FMN1: variants seen among roughly 807,000 people sequenced by gnomAD.
FMN1 encodes formin 1.
In FMN1, 110 loss-of-function variants were observed where a neutral mutation model predicts 132.4. The observed-to-expected ratio is 0.83, with a 90% confidence interval of 0.71 to 0.97. The LOEUF is 0.97. Among genes scored for constraint, FMN1 ranks in the 50% least tolerant of loss-of-function variants. The probability of loss-of-function intolerance (pLI) is 0.00; values close to 1 mark genes in which losing one functional copy is unlikely to be tolerated. For synonymous variants in FMN1, 722 were observed against 651.7 expected (o/e 1.11, Z -1.64); for missense variants, 1,792 against 1,705.3 (o/e 1.05, Z -0.90).
intron 4 of FMN1, among the ~76,000 whole-genome samples, chr15:33,142,872 TAC>T (rs1325275283): frequency 6.6e-6 from 1 of 151,982 alleles, no homozygotes; most frequent in Non-Finnish European, 1.5e-5. Flanking sequence ...CTATAAAATG[TAC>T]CTTGGTTCAG....
chr15:32,788,183 T>C (rs939000320), intron 19 of FMN1, among the ~76,000 whole-genome samples: 1 of 152,222 alleles, frequency 6.6e-6, no homozygotes, highest in Non-Finnish European at 1.5e-5. Context: ...CTGGAATGCA[T>C]GATCAGTTAA....
At chr15:32,860,477 A>C (rs2141311415) in intron 16 of FMN1, among the ~76,000 whole-genome samples, 1 of 152,194 alleles carries the variant, frequency 6.6e-6, no homozygotes, top group South Asian at 2.1e-4. Context: ...AAGTGGTGAA[A>C]CCCTGTTTCT....
intron 9 of FMN1, among the ~76,000 whole-genome samples, chr15:32,949,902 G>A (rs1318741143): frequency 7.5e-6 from 1 of 133,808 alleles, no homozygotes; most frequent in Non-Finnish European, 1.6e-5. Context: ...GACATGAACA[G>A]ACACTTTTCA....
chr15:33,172,333 C>A (rs8037033), intron 3 of FMN1, among the ~76,000 whole-genome samples: 80,670 of 152,140 alleles, frequency 0.53, 24,208 homozygotes, highest in African/African-American at 0.83. Flanking sequence ...ACTTTTGTTT[C>A]AATGATCAAC....
chr15:32,936,495 C>T (rs1040661461), intron 9 of FMN1, among the ~76,000 whole-genome samples: 1 of 152,302 alleles, frequency 6.6e-6, no homozygotes. Context: ...TCCCTGCTCT[C>T]TCTAGTGTCT....
At chr15:32,800,945 C>T (rs1212384894) in intron 18 of FMN1, among the ~76,000 whole-genome samples, 1 of 152,166 alleles carries the variant, frequency 6.6e-6, no homozygotes, top group Non-Finnish European at 1.5e-5. Context: ...TATACAGATA[C>T]ATATTTATTT....
intron 4 of FMN1, among the ~76,000 whole-genome samples, chr15:33,115,729 T>C (rs1253933878): frequency 6.6e-6 from 1 of 152,156 alleles, no homozygotes; most frequent in Non-Finnish European, 1.5e-5. Flanking sequence ...CTCATATCCC[T>C]AAACCTATGC....
rs78428401 is a variant in FMN1, at chr15:32,898,986, A to G, written c.3655-93T>C. On this transcript the variant is annotated intron_variant, in intron 14 of 20. Transcript: ENST00000616417. ...GTGAAATCTCAGTTGAGAAATTTCT[A>G]ATTCGTGAAAACTGGCTTTCTCTTC... The G allele has an allele frequency of 0.042, 36,500 of 860,732 alleles. 912 individuals carry two copies. The highest frequency in any genetic ancestry group is 0.066 in the South Asian group (4,271 of 64,306). The allele number at this position is 860,732 out of a possible 1,614,324, so 53.3% of individuals were successfully genotyped here.
chr15:32,963,270 A>G (rs1044332821), intron 9 of FMN1, among the ~76,000 whole-genome samples: 12 of 147,306 alleles, frequency 8.1e-5, no homozygotes, highest in African/African-American at 3.0e-4. Flanking sequence ...GCATATTCTC[A>G]CTCATAGGTG....
intron 2 of FMN1, among the ~76,000 whole-genome samples, chr15:33,187,712 C>T (rs1190456945): frequency 4.6e-5 from 7 of 152,118 alleles, no homozygotes; most frequent in African/African-American, 1.4e-4. Flanking sequence ...CTTCCCATGC[C>T]GTGGCACTGT....
At chr15:32,984,499 T>C (rs928714838) in intron 7 of FMN1, among the ~76,000 whole-genome samples, 2 of 152,156 alleles carry the variant, frequency 1.3e-5, no homozygotes, top group African/African-American at 4.8e-5. Flanking sequence ...TGCTTCTTGA[T>C]ATATTTTTCA....
intron 3 of FMN1, among the ~76,000 whole-genome samples, chr15:33,167,114 A>G (rs566743060): frequency 2.1e-4 from 32 of 152,350 alleles, no homozygotes; most frequent in African/African-American, 7.2e-4. Flanking sequence ...AGATGACATT[A>G]GCCAATGATA....
At chr15:32,990,097 G>A (rs915092052) in intron 7 of FMN1, among the ~76,000 whole-genome samples, 2 of 152,180 alleles carry the variant, frequency 1.3e-5, no homozygotes, top group Non-Finnish European at 2.9e-5. Flanking sequence ...ATATTTCCCA[G>A]TGTAGCTTTC....
chr15:33,042,809 G>A (rs2036501795), intron 6 of FMN1, among the ~76,000 whole-genome samples: 1 of 150,822 alleles, frequency 6.6e-6, no homozygotes, highest in African/African-American at 2.4e-5. Flanking sequence ...ACATCCCTGA[G>A]GCACAAAAGG....
At chr15:32,799,413 C>T (rs1250437854) in intron 18 of FMN1, among the ~76,000 whole-genome samples, 2 of 152,134 alleles carry the variant, frequency 1.3e-5, no homozygotes, top group Non-Finnish European at 2.9e-5. Context: ...CCATTCTATC[C>T]TTTTTCGGGC....
At chr15:33,134,833 C>T (rs1001640663) in intron 4 of FMN1, among the ~76,000 whole-genome samples, 2 of 152,188 alleles carry the variant, frequency 1.3e-5, no homozygotes, top group Non-Finnish European at 2.9e-5. Flanking sequence ...AAAACCCCAT[C>T]TCTACTAAAA....
intron 5 of FMN1, among the ~76,000 whole-genome samples, chr15:33,081,793 A>C (rs2038470731): frequency 6.6e-6 from 1 of 152,158 alleles, no homozygotes. Flanking sequence ...TCTGGCCTTT[A>C]GGAAGTGATC....
At chr15:33,001,689 C>T (rs533215831) in intron 7 of FMN1, among the ~76,000 whole-genome samples, 18 of 144,660 alleles carry the variant, frequency 1.2e-4, no homozygotes, top group Non-Finnish European at 2.4e-4. Flanking sequence ...CCTCCCCCTC[C>T]CCTTCCGCCT....
intron 6 of FMN1, among the ~76,000 whole-genome samples, chr15:33,037,726 T>C (rs1242316932): frequency 1.3e-5 from 2 of 152,244 alleles, no homozygotes; most frequent in African/African-American, 2.4e-5. Flanking sequence ...TCTACATTTT[T>C]AACATTGTCA....
Sources: gnomAD v4.1 joint callset for allele counts (sites outside exome capture counted in the v4.1 genomes callset) on GRCh38, gnomAD v4.1.1 for gene constraint, MANE v1.5 for transcripts, NCBI Gene and HGNC (gene_info 2026-07-23, HGNC 2026-07-21) for gene names.